Variants in PRKDC observed in about 807,000 individuals in gnomAD.
PRKDC encodes the protein DNA-dependent protein kinase catalytic subunit.
Under a neutral mutation model 486.9 loss-of-function variants are expected in PRKDC, and 82 were observed. The observed-to-expected ratio is 0.17, with a 90% CI of 0.14 to 0.20. The LOEUF is 0.20. PRKDC is among the 10% of genes least tolerant of loss of function. The pLI, the probability that PRKDC is intolerant of heterozygous loss-of-function variation, is 1.00. For synonymous variants in PRKDC, 1,895 were observed against 1,837.0 expected (o/e 1.03, Z -0.81); for missense variants, 4,504 against 5,038.2 (o/e 0.89, Z 3.21).
intron 31 of PRKDC, among the ~76,000 whole-genome samples, chr8:47,890,697 A>C (rs1036026277): frequency 6.6e-6 from 1 of 152,234 alleles, no homozygotes; most frequent in African/African-American, 2.4e-5. Context: ...CTTTATTCCC[A>C]AACATTACAT....
intron 77 of PRKDC, among the ~76,000 whole-genome samples, chr8:47,784,404 A>T (rs2086756265): frequency 6.6e-6 from 1 of 152,232 alleles, no homozygotes; most frequent in Admixed American, 6.5e-5. Context: ...TGCATATGAC[A>T]AGGCTGACAT....
At chr8:47,852,488 T>A (rs890302123) in intron 52 of PRKDC, among the ~76,000 whole-genome samples, 185 bp downstream of exon 52, 3 of 152,252 alleles carry the variant, frequency 2.0e-5, no homozygotes, top group Admixed American at 6.5e-5. Flanking sequence ...AAAAATCATG[T>A]GCCCTCTCTA....
chr8:47,940,292 T>C (rs1396964277), intron 10 of PRKDC, among the ~76,000 whole-genome samples: 1 of 152,104 alleles, frequency 6.6e-6, no homozygotes. Context: ...GAGAAGCAAA[T>C]AGATCATTAT....
chr8:47,928,154 C>CTTT (rs375267637), intron 19 of PRKDC, among the ~76,000 whole-genome samples: 13 of 130,994 alleles, frequency 9.9e-5, no homozygotes, highest in East Asian at 2.2e-4. Context: ...GCTTGAGGGA[C>CTTT]TTTTTTTTTT....
intron 17 of PRKDC, 35 bp from the exon 18 acceptor site, chr8:47,930,047 T>C (rs756586804): frequency 3.8e-6 from 6 of 1,562,864 alleles, no homozygotes; most frequent in African/African-American, 2.7e-5. Flanking sequence ...AGGTAGAAAT[T>C]TGTATCATTC....
chr8:47,845,337 C>A (rs976002700), intron 54 of PRKDC, among the ~76,000 whole-genome samples: 3 of 152,060 alleles, frequency 2.0e-5, no homozygotes, highest in Non-Finnish European at 4.4e-5. Context: ...AAAGATTCAA[C>A]AAAACCAAAA....
At chr8:47,898,255 G>A (rs948675467) in intron 29 of PRKDC, among the ~76,000 whole-genome samples, 5 of 152,110 alleles carry the variant, frequency 3.3e-5, no homozygotes, top group African/African-American at 1.2e-4. Context: ...TCTCAACCCA[G>A]ATCAAATACC....
intron 51 of PRKDC, among the ~76,000 whole-genome samples, chr8:47,853,583 G>A (rs937882035): frequency 3.3e-5 from 5 of 152,120 alleles, no homozygotes; most frequent in South Asian, 2.1e-4. Context: ...GCTCCCAGGC[G>A]GGATGGTGCA....
intron 22 of PRKDC, 62 bp downstream of exon 22, chr8:47,918,215 A>C (rs1481854528): frequency 1.8e-6 from 2 of 1,104,016 alleles, no homozygotes; most frequent in Non-Finnish European, 2.5e-6. Flanking sequence ...TTTACTTTTC[A>C]CAAGTGTTAG....
At chr8:47,918,169 T>C (rs1175320359) in intron 22 of PRKDC, 108 bp downstream of exon 22, 5 of 725,976 alleles carry the variant, frequency 6.9e-6, no homozygotes, top group Non-Finnish European at 1.1e-5. Context: ...TACTCTACTT[T>C]GTATACAAAA....
intron 7 of PRKDC, among the ~76,000 whole-genome samples, chr8:47,945,620 A>G (rs546166739): frequency 6.6e-6 from 1 of 152,306 alleles, no homozygotes; most frequent in South Asian, 2.1e-4. Flanking sequence ...CATTGTGTCT[A>G]CGTGCCATAT....
chr8:47,873,590 C>G (rs2089011477), intron 40 of PRKDC, among the ~76,000 whole-genome samples: 1 of 152,148 alleles, frequency 6.6e-6, no homozygotes, highest in African/African-American at 2.4e-5. Flanking sequence ...CTGTTCACAA[C>G]AGCCAAAACT....
chr8:47,834,168 T>A, intron 59 of PRKDC, 28 bp downstream of exon 59: 1 of 1,613,548 alleles, frequency 6.2e-7, no homozygotes, highest in Admixed American at 1.7e-5. Flanking sequence ...GGGAAGCTAT[T>A]TTAAGCACAC....
At chr8:47,824,021 A>G in intron 63 of PRKDC, 25 bp from the exon 64 acceptor site, 2 of 1,549,010 alleles carry the variant, frequency 1.3e-6, no homozygotes, top group Non-Finnish European at 1.8e-6. Context: ...AAAAAGGCCA[A>G]ATCAATGAAC....
In PRKDC at chr8:47,794,274, C is replaced by T; in HGVS notation, c.10670+16G>A. The T allele has an allele frequency of 3.1e-6, 5 of 1,587,992 alleles. No homozygotes were observed. Among genetic ancestry groups the T allele is most frequent in the Non-Finnish European group, 4.3e-6 (5 of 1,159,778 alleles). ...ATAGTATTTGATCAACCTATTCCTT[C>T]TGTAATATTACCTACCTTGCCACAA... On this transcript the variant is annotated intron_variant, in intron 74 of 85. Coordinates refer to ENST00000314191, the MANE Select transcript of PRKDC (RefSeq NM_006904.7).
intron 67 of PRKDC, 43 bp downstream of exon 67, chr8:47,819,359 C>A: frequency 3.2e-6 from 4 of 1,266,150 alleles, no homozygotes; most frequent in Non-Finnish European, 4.4e-6. Context: ...TAAAACTCTT[C>A]CACAATTAGA....
chr8:47,941,255 C>A (rs767752992), intron 10 of PRKDC, among the ~76,000 whole-genome samples: 22 of 152,150 alleles, frequency 1.4e-4, no homozygotes, highest in Non-Finnish European at 2.5e-4. Flanking sequence ...ATGTAAAGTC[C>A]TCTTTCCCTC....
In PRKDC at chr8:47,885,907, C is replaced by A. The variant is rs375907155; in HGVS notation, c.4776+37G>T. On this transcript the variant is annotated intron_variant, in intron 36 of 85. Coordinates refer to ENST00000314191, the MANE Select transcript of PRKDC (RefSeq NM_006904.7). ...ACTCTGTCTCAAACAAACAAACAAA[C>A]AAAAAAAACAGTTTATTTAAAGGGA... 770 of 1,582,594 alleles carry A rather than the reference C, an allele frequency of 4.9e-4. 4 individuals carry two copies. The African/African-American group carries it at 9.3e-3, about 19-fold the overall frequency.
At chr8:47,828,071 AT>A in intron 62 of PRKDC, 96 bp downstream of exon 62, 1 of 1,196,590 alleles carries the variant, frequency 8.4e-7, no homozygotes, top group Non-Finnish European at 1.2e-6. Flanking sequence ...ACACCAGGTT[AT>A]CAAGAGTCTC....
Sources: allele counts gnomAD v4.1 joint callset (sites outside exome capture counted in the v4.1 genomes callset), GRCh38; gene constraint gnomAD v4.1.1; transcripts MANE v1.5; gene names NCBI Gene and HGNC (gene_info 2026-07-23, HGNC 2026-07-21).